ZNF398: variants seen among roughly 807,000 people sequenced by gnomAD.
ZNF398 encodes the protein zinc finger protein 398.
In ZNF398, 18 loss-of-function variants were observed where a neutral mutation model predicts 41.9. That is an observed-to-expected ratio of 0.43 (90% CI 0.30 to 0.64). The LOEUF is 0.64. Ranked by LOEUF, ZNF398 falls within the 30% of genes least tolerant of loss-of-function variation. The pLI, the probability that ZNF398 is intolerant of heterozygous loss-of-function variation, is 0.14. For missense variants in ZNF398, 669 were observed against 822.8 expected (o/e 0.81, Z 2.29); for synonymous variants, 260 against 308.8 (o/e 0.84, Z 1.66).
At chr7:149,165,713 A>G (rs144242430) in intron 2 of ZNF398, among the ~76,000 whole-genome samples, 10 of 152,312 alleles carry the variant, frequency 6.6e-5, no homozygotes, top group African/African-American at 2.4e-4. Flanking sequence ...AACAGCATCA[A>G]AGGGAACTCT....
intron 2 of ZNF398, among the ~76,000 whole-genome samples, chr7:149,140,909 G>A (rs1000873021): frequency 1.3e-5 from 2 of 151,870 alleles, no homozygotes; most frequent in Admixed American, 1.3e-4. Flanking sequence ...GTGTAGCAGG[G>A]TGGGCCTGTA....
intron 2 of ZNF398, among the ~76,000 whole-genome samples, chr7:149,165,869 A>G (rs1795217247): frequency 6.6e-6 from 1 of 152,252 alleles, no homozygotes; most frequent in Admixed American, 6.5e-5. Flanking sequence ...AAGTTTTAAC[A>G]TACATGGTAT....
chr7:149,129,878 G>A (rs1004741222), intron 2 of ZNF398, among the ~76,000 whole-genome samples: 10 of 151,860 alleles, frequency 6.6e-5, no homozygotes, highest in East Asian at 3.9e-4. Context: ...TCAGCTCACC[G>A]CAACCTCCGC....
At chr7:149,157,054 G>A (rs1034649195) in intron 2 of ZNF398, among the ~76,000 whole-genome samples, 3 of 152,030 alleles carry the variant, frequency 2.0e-5, no homozygotes, top group Non-Finnish European at 2.9e-5. Context: ...TCTTAACCAC[G>A]TTAGGTTTAC....
At chr7:149,151,825 C>G (rs1343189770) in intron 1 of ZNF398, among the ~76,000 whole-genome samples, 1 of 143,398 alleles carries the variant, frequency 7.0e-6, no homozygotes, top group Non-Finnish European at 1.5e-5. Context: ...CTCGTTCTGT[C>G]GCGTAGGCTG....
intron 2 of ZNF398, among the ~76,000 whole-genome samples, chr7:149,129,958 G>A (rs1826565311): frequency 6.6e-6 from 1 of 151,758 alleles, no homozygotes. Context: ...GTGCCACCAC[G>A]CCTGGCTATT....
chr7:149,127,540 T>TAAAAA (rs1826508253), intron 1 of ZNF398, among the ~76,000 whole-genome samples: 1 of 13,464 alleles, frequency 7.4e-5, no homozygotes, highest in Admixed American at 1.1e-3. Flanking sequence ...CCGTCTCTAC[T>TAAAAA]AAAAATACAA....
In ZNF398 at chr7:149,179,487, T is replaced by G; in HGVS notation, c.1615T>G (p.Phe539Val). 1 of 1,614,224 alleles carries G rather than the reference T, an allele frequency of 6.2e-7. No individual in the cohort carries two copies. The stretch of plus-strand genomic sequence containing the variant: ...GCGGCTGCACACAGGCGAGCGGCCC[T>G]TCAGTTGTCCTCACTGTGGCAAGAG... ...HRRLHTGERP[F>V]SCPHCGKSFI... The change falls in exon 6 of 6, where the codon TTC becomes GTC. Residue 539 changes from phenylalanine to valine, a missense_variant. Around this residue, in one of 3 missense-constraint regions of ZNF398, gnomAD observed 210 missense variants for 290.4 expected, o/e 0.72. Transcript: ENST00000475153. This position sits in a 1 kb window ranked among gnomAD's most constrained non-coding sequence, Gnocchi z 6.1.
At chr7:149,174,336 C>T (rs1047967656) in intron 4 of ZNF398, among the ~76,000 whole-genome samples, 2 of 151,902 alleles carry the variant, frequency 1.3e-5, no homozygotes, top group Admixed American at 6.6e-5. Context: ...TAGCTAGGCG[C>T]GTGCCACCAC....
At chr7:149,128,780 T>TAAAATAAAATAAAATTATATATATA (rs71192757) in intron 1 of ZNF398, 2 of 143,420 alleles carry the variant, frequency 1.4e-5, no homozygotes, top group African/African-American at 5.3e-5. Context: ...TAAAATAAAA[T>TAAAATAAAATAAAATTATATATATA]TATATATATA....
Position 149,179,500 on chromosome 7 carries a change from A to G in ZNF398, c.1628A>G (p.His543Arg). ...HTGERPFSCP[H>R]CGKSFIRKHH... is the part of the protein sequence containing the mutation. ...GGCGAGCGGCCCTTCAGTTGTCCTC[A>G]CTGTGGCAAGAGCTTCATCCGCAAG... The change falls in exon 6 of 6, where the codon CAC becomes CGC. Residue 543 changes from histidine to arginine, a missense_variant. Coordinates refer to ENST00000475153, the MANE Select transcript of ZNF398 (RefSeq NM_170686.3). This position sits in a 1 kb window ranked among gnomAD's most constrained non-coding sequence, Gnocchi z 6.1. 1 of 1,614,212 alleles carries G rather than the reference A, an allele frequency of 6.2e-7. No individual in the cohort carries two copies. The highest frequency in any genetic ancestry group is 8.5e-7 in the Non-Finnish European group (1 of 1,180,032).
At chr7:149,127,684 T>C (rs1022408887) in intron 1 of ZNF398, among the ~76,000 whole-genome samples, 6 of 151,588 alleles carry the variant, frequency 4.0e-5, no homozygotes, top group African/African-American at 1.5e-4. Context: ...GCCACTGCAC[T>C]CCAGCCTGGG....
At chr7:149,155,150 G>T (rs1794940350) in intron 2 of ZNF398, among the ~76,000 whole-genome samples, 1 of 151,996 alleles carries the variant, frequency 6.6e-6, no homozygotes, top group African/African-American at 2.4e-5. Context: ...GGCCAGGTGT[G>T]GTGGCTCACA....
chr7:149,146,876 T>A (rs1313362214), upstream of ZNF398, among the ~76,000 whole-genome samples: 2 of 151,866 alleles, frequency 1.3e-5, no homozygotes, highest in Non-Finnish European at 2.9e-5. Flanking sequence ...AAATTAAGAA[T>A]CCTATTTCCA....
intron 4 of ZNF398, among the ~76,000 whole-genome samples, chr7:149,169,109 G>A (rs147215780): frequency 5.6e-4 from 85 of 152,318 alleles, no homozygotes; most frequent in African/African-American, 2.0e-3. Context: ...AAGATAACAA[G>A]TAATTAGGTT....
chr7:149,149,391 G>A (rs966346771), intron 1 of ZNF398, among the ~76,000 whole-genome samples: 2 of 151,886 alleles, frequency 1.3e-5, no homozygotes, highest in South Asian at 2.1e-4. Flanking sequence ...GTGCCACTAC[G>A]CCCGGGTCCT....
chr7:149,148,944 C>CCAG (rs1827038601), intron 1 of ZNF398, among the ~76,000 whole-genome samples: 1 of 121,632 alleles, frequency 8.2e-6, no homozygotes, highest in South Asian at 2.8e-4. Context: ...GACAGTTCTT[C>CCAG]CAGTGTGGCC....
chr7:149,158,556 C>T (rs1025824491), intron 2 of ZNF398, among the ~76,000 whole-genome samples: 2 of 152,058 alleles, frequency 1.3e-5, no homozygotes, highest in Admixed American at 6.6e-5. Context: ...TATTCATGGC[C>T]TGGCGTGGTA....
intron 4 of ZNF398, among the ~76,000 whole-genome samples, chr7:149,170,956 G>C (rs1002830089): frequency 4.7e-5 from 7 of 147,464 alleles, no homozygotes; most frequent in African/African-American, 1.8e-4. Context: ...TGATTCTCCT[G>C]CCTCAGCCTC....
Sources: allele counts gnomAD v4.1 joint callset (sites outside exome capture counted in the v4.1 genomes callset), GRCh38; gene constraint gnomAD v4.1.1; regional missense constraint gnomAD v4.1.1; non-coding constraint Gnocchi (gnomAD v3.1); transcripts MANE v1.5; gene names NCBI Gene and HGNC (gene_info 2026-07-23, HGNC 2026-07-21).